The following DNAH17 variants were observed in gnomAD, a reference collection of about 807,000 sequenced individuals.
DNAH17 encodes the protein axonemal beta dynein heavy chain 17.
In DNAH17, 376 loss-of-function variants were observed where a neutral mutation model predicts 485.6. The observed-to-expected ratio is 0.77, with a 90% CI of 0.71 to 0.84. The LOEUF (loss-of-function observed/expected upper bound fraction) is 0.84. Among genes scored for constraint, DNAH17 ranks in the 40% least tolerant of loss-of-function variants. The probability of loss-of-function intolerance (pLI) is 0.00; values close to 1 mark genes in which losing one functional copy is unlikely to be tolerated. For synonymous variants in DNAH17, 3,031 were observed against 2,405.9 expected, an observed-to-expected ratio of 1.26 and a Z score of -7.60; for missense variants, 6,370 against 5,839.3, an observed-to-expected ratio of 1.09 and a Z score of -2.96.
chr17:78,435,312 A>C (rs572246619), intron 74 of DNAH17, among the ~76,000 whole-genome samples: 1 of 152,142 alleles, frequency 6.6e-6, no homozygotes, highest in South Asian at 2.1e-4. Flanking sequence ...TCACCAGCCT[A>C]CCCGCACTCA....
Position 78,560,862 on chromosome 17 carries a change from G to T in DNAH17, c.1909C>A (p.Arg637Ser), listed in dbSNP as rs548646016. The change falls in exon 13 of 81, where the codon CGC becomes AGC. Residue 637 changes from arginine (R) to serine (S), a missense_variant. Coordinates refer to ENST00000389840, the MANE Select transcript of DNAH17 (RefSeq NM_173628.4). Reference protein sequence around the residue: ...DEMMELLRCHREKIYQQWVAG... With the variant: ...DEMMELLRCHSEKIYQQWVAG... ...ACCCACTGCTGGTAGATCTTCTCGC[G>T]GTGGCACCTCAGCAGCTCCATCATC... 1.3e-6 allele frequency: 2 copies of T among 1,551,692 alleles called. No individual in the cohort carries two copies. The highest frequency in any genetic ancestry group is 1.7e-6 in the Non-Finnish European group (2 of 1,147,104).
chr17:78,450,952 C>T (rs375469689), intron 66 of DNAH17, 106 bp from the exon 67 acceptor site: 61 of 1,412,222 alleles, frequency 4.3e-5, no homozygotes, highest in East Asian at 3.9e-4. Flanking sequence ...AGGCTTTGAG[C>T]GGGAGGAACG....
Position 78,459,777 on chromosome 17 carries a change from G to A in DNAH17, c.9653+7C>T, listed in dbSNP as rs758064638. ...AGCCCCGGCTACGAGGCCCAGCCCC[G>A]ACTCACTTGAAGGCCTTCAGGCAGG... On this transcript the variant is annotated splice_region_variant and intron_variant, in intron 60 of 80. Transcript: ENST00000389840. 31 of 1,613,820 alleles carry A rather than the reference G, an allele frequency of 1.9e-5. No homozygotes were observed. The Admixed American group carries it at 3.3e-4, about 17-fold the overall frequency.
intron 74 of DNAH17, among the ~76,000 whole-genome samples, chr17:78,435,606 A>G (rs1331127744): frequency 1.3e-5 from 2 of 152,332 alleles, no homozygotes; most frequent in East Asian, 3.9e-4. Flanking sequence ...GCTGACTGAC[A>G]CTTTGCAAAA....
At chr17:78,522,213 G>C (rs945331738) in intron 25 of DNAH17, 1 of 166,774 alleles carries the variant, frequency 6.0e-6, no homozygotes, top group Non-Finnish European at 1.3e-5. Context: ...TGGCTGTGGA[G>C]AACCCAGCCC....
chr17:78,553,185 C>G (rs1030766614), intron 14 of DNAH17, among the ~76,000 whole-genome samples: 2 of 151,938 alleles, frequency 1.3e-5, no homozygotes, highest in Non-Finnish European at 2.9e-5. Flanking sequence ...CTGAGGTCCC[C>G]CCAGAAACAG....
At position 78,522,039 on chromosome 17, in the gene DNAH17, T is replaced by C. The variant is rs75135765; in HGVS notation, c.3864+2970A>G. ...TCAGCGAAATACCCTGTTAAGAGAA[T>C]GAAAAGACAAGTTACAGACTAGGAG... On this transcript the variant is annotated intron_variant, in intron 25 of 80. Coordinates refer to ENST00000389840, the MANE Select transcript of DNAH17 (RefSeq NM_173628.4). 6.4e-3 allele frequency among the ~76,000 whole-genome samples: 977 copies of C among 152,248 alleles called. 25 individuals are homozygous for C. The highest frequency in any genetic ancestry group is 0.046 in the East Asian group (239 of 5,166).
At chr17:78,518,362 A>AT (rs146399436) in intron 25 of DNAH17, among the ~76,000 whole-genome samples, 6,815 of 152,298 alleles carry the variant, frequency 0.045, 202 homozygotes, top group Non-Finnish European at 0.056. Context: ...CTAGTATCAG[A>AT]TCAAGCCAAC....
intron 7 of DNAH17, 107 bp downstream of exon 7, chr17:78,570,140 C>A: frequency 5.3e-6 from 7 of 1,310,208 alleles, no homozygotes; most frequent in Non-Finnish European, 7.3e-6. Flanking sequence ...GACATCTTGG[C>A]CTGCTTTCAA....
intron 16 of DNAH17, among the ~76,000 whole-genome samples, chr17:78,548,662 C>T (rs1241970001): frequency 2.0e-5 from 3 of 152,146 alleles, no homozygotes; most frequent in African/African-American, 7.3e-5. Flanking sequence ...GCTGTTCACA[C>T]CTGAGGGCTA....
At chr17:78,462,081 A>C (rs2088158116) in intron 57 of DNAH17, among the ~76,000 whole-genome samples, 1 of 152,016 alleles carries the variant, frequency 6.6e-6, no homozygotes, top group Non-Finnish European at 1.5e-5. Flanking sequence ...CTGAGGTGGG[A>C]GGATCACTTG....
At position 78,502,617 on chromosome 17, in the gene DNAH17, C is replaced by A. The variant is rs533203420; in HGVS notation, c.5164G>T (p.Ala1722Ser). Residue 1722 changes from alanine to serine, a missense_variant, in exon 33 of 81, where the codon GCT (alanine) becomes TCT (serine). Coordinates refer to ENST00000389840, the MANE Select transcript of DNAH17 (RefSeq NM_173628.4). The stretch of plus-strand genomic sequence containing the variant: ...TGCTTTTTGTTATAATCTCTGATAG[C>A]GTTTTCATAGCCTTCCTCCAGCCTG... The part of the protein sequence containing the change: ...FARLEEGYEN[A>S]IRDYNKKQIS... 16 of 1,613,172 alleles carry A rather than the reference C, an allele frequency of 9.9e-6. No homozygotes were observed. The highest frequency in any genetic ancestry group is 1.7e-4 in the Middle Eastern group (1 of 6,056).
intron 71 of DNAH17, among the ~76,000 whole-genome samples, chr17:78,442,806 G>A (rs990365026): frequency 6.6e-6 from 1 of 152,206 alleles, no homozygotes; most frequent in African/African-American, 2.4e-5. Context: ...TTGCGCACGT[G>A]GGGGTGGCCT....
rs2092346635 is a variant in DNAH17, at chr17:78,570,895, AGAAAAGAAAC to A, written c.918+43_918+52del. 9 of 997,260 alleles carry A rather than the reference AGAAAAGAAAC, an allele frequency of 9.0e-6. No homozygotes were observed. The Admixed American group carries it at 2.1e-4, about 23-fold the overall frequency. The allele number at this position is 997,260 out of a possible 1,614,324, so 61.8% of individuals were successfully genotyped here. ...AAAAAAAAAGAAAAAAGAAAAGAAA[AGAAAAGAAAC>A]AAGACCCTCCCCACCAAAGCCGGCT... On this transcript the variant is annotated intron_variant, in intron 6 of 80. Coordinates refer to ENST00000389840, the MANE Select transcript of DNAH17 (RefSeq NM_173628.4).
At chr17:78,547,293 G>A (rs2091789541) in intron 16 of DNAH17, among the ~76,000 whole-genome samples, 1 of 152,216 alleles carries the variant, frequency 6.6e-6, no homozygotes, top group South Asian at 2.1e-4. Flanking sequence ...GCCCCTGCAT[G>A]TGTGAGGATG....
chr17:78,442,844 G>A (rs918005751), intron 71 of DNAH17, among the ~76,000 whole-genome samples: 11 of 152,238 alleles, frequency 7.2e-5, no homozygotes, highest in African/African-American at 2.7e-4. Context: ...CCTGTGACCT[G>A]AGTGTGGAAG....
chr17:78,509,342 CTT>C (rs2090571295), intron 27 of DNAH17, among the ~76,000 whole-genome samples: 1 of 152,042 alleles, frequency 6.6e-6, no homozygotes. Flanking sequence ...CTGGCCTTCT[CTT>C]GAACTCCTGG....
intron 16 of DNAH17, among the ~76,000 whole-genome samples, chr17:78,545,271 T>C (rs548524189): frequency 6.6e-6 from 1 of 152,304 alleles, no homozygotes; most frequent in South Asian, 2.1e-4. Flanking sequence ...AAGGATTTCC[T>C]TTTTTTATTA....
rs1326834660 is a variant in DNAH17, at chr17:78,571,653, C to T, written c.669G>A (p.Leu223=). 8 of 1,613,900 alleles carry T rather than the reference C, an allele frequency of 5.0e-6. No homozygotes were observed. Among genetic ancestry groups the T allele is most frequent in the Admixed American group, 1.7e-5 (1 of 60,008 alleles). The change falls in exon 4 of 81, where the codon CTG becomes CTA. Residue 223 remains leucine, a synonymous_variant. Transcript: ENST00000389840. ...AQALLDGLHP[L]PQVEFEFWDT... ...CCCAGAACTCGAACTCCACTTGGGG[C>T]AGGGGGTGCAGCCCATCCAGCAGCG...
Sources: gnomAD v4.1 joint callset for allele counts (sites outside exome capture counted in the v4.1 genomes callset) on GRCh38, gnomAD v4.1.1 for gene constraint, MANE v1.5 for transcripts, NCBI Gene and HGNC (gene_info 2026-07-23, HGNC 2026-07-21) for gene names.